Variants in RIMS1 observed in about 807,000 individuals in gnomAD.
The protein encoded by RIMS1 is regulating synaptic membrane exocytosis protein 1.
RIMS1 carries 83 observed loss-of-function variants against 214.1 expected under a neutral mutation model. The observed-to-expected ratio is 0.39, with a 90% CI of 0.32 to 0.47. The LOEUF (loss-of-function observed/expected upper bound fraction) is 0.47. Ranked by LOEUF, RIMS1 falls within the 20% of genes least tolerant of loss-of-function variation. The probability of loss-of-function intolerance (pLI) is 0.99; values close to 1 mark genes in which losing one functional copy is unlikely to be tolerated. For missense variants in RIMS1, 2,050 were observed against 2,161.8 expected (o/e 0.95, Z 1.03); for synonymous variants, 793 against 786.8 (o/e 1.01, Z -0.13).
At chr6:72,107,513 A>G (rs758509781) in intron 4 of RIMS1, among the ~76,000 whole-genome samples, 5 of 152,188 alleles carry the variant, frequency 3.3e-5, no homozygotes, top group Non-Finnish European at 5.9e-5. Context: ...GTGAGCCAAG[A>G]TCGCATCACT....
chr6:72,258,395 C>T, intron 17 of RIMS1, 114 bp downstream of exon 17: 1 of 1,188,416 alleles, frequency 8.4e-7, no homozygotes. Context: ...TTATTTTTTT[C>T]AGAATTAATT....
intron 4 of RIMS1, among the ~76,000 whole-genome samples, chr6:72,166,553 G>T (rs935159205): frequency 2.6e-5 from 4 of 151,808 alleles, no homozygotes; most frequent in Admixed American, 1.3e-4. Context: ...GGTTTTTTGG[G>T]TATTTACAAA....
At chr6:72,216,437 G>A (rs79782672) in intron 6 of RIMS1, 15,677 of 985,262 alleles carry the variant, frequency 0.016, 123 homozygotes, top group African/African-American at 0.022. Flanking sequence ...TAGGCTGGCC[G>A]TACCAGAAAA....
At chr6:72,198,562 A>C (rs751476566) in intron 6 of RIMS1, among the ~76,000 whole-genome samples, 50 of 152,178 alleles carry the variant, frequency 3.3e-4, no homozygotes, top group Non-Finnish European at 6.8e-4. Flanking sequence ...TTACAGTTAG[A>C]TAGAAGGAAT....
chr6:71,962,844 T>C (rs1325011138), intron 1 of RIMS1, among the ~76,000 whole-genome samples: 1 of 152,158 alleles, frequency 6.6e-6, no homozygotes, highest in Non-Finnish European at 1.5e-5. Context: ...TATTTTTTTG[T>C]ATTATAGAAA....
intron 29 of RIMS1, among the ~76,000 whole-genome samples, chr6:72,369,016 G>A (rs919850909): frequency 2.8e-4 from 42 of 151,096 alleles, no homozygotes; most frequent in African/African-American, 9.5e-4. Flanking sequence ...CAGCTTGGTT[G>A]GAGCAGAGGG....
At chr6:72,164,544 G>A (rs938093564) in intron 4 of RIMS1, among the ~76,000 whole-genome samples, 3 of 152,048 alleles carry the variant, frequency 2.0e-5, no homozygotes, top group Admixed American at 6.6e-5. Flanking sequence ...ACAAAAGTTT[G>A]TATTTTTCTG....
intron 6 of RIMS1, among the ~76,000 whole-genome samples, chr6:72,229,709 C>T (rs1331043716): frequency 6.6e-6 from 1 of 151,790 alleles, no homozygotes; most frequent in African/African-American, 2.4e-5. Context: ...AATATATTTT[C>T]AGTATATTAA....
chr6:72,062,380 C>T (rs1186693555), intron 2 of RIMS1, among the ~76,000 whole-genome samples: 1 of 151,976 alleles, frequency 6.6e-6, no homozygotes, highest in Non-Finnish European at 1.5e-5. Flanking sequence ...TCCTTCTTTC[C>T]ATCCCTGTCT....
intron 2 of RIMS1, among the ~76,000 whole-genome samples, chr6:71,986,746 A>G (rs1800079419): frequency 6.6e-6 from 1 of 152,248 alleles, no homozygotes; most frequent in Non-Finnish European, 1.5e-5. Flanking sequence ...ATGATATGAA[A>G]AATATTTTTC....
chr6:72,151,069 G>A (rs1290085548), intron 4 of RIMS1, among the ~76,000 whole-genome samples: 2 of 151,784 alleles, frequency 1.3e-5, no homozygotes, highest in Non-Finnish European at 2.9e-5. Flanking sequence ...TTGAGACGGA[G>A]TCTCGCTCTG....
At position 72,107,709 on chromosome 6, in the gene RIMS1, A is replaced by G. The variant is rs574073153; in HGVS notation, c.471+7723A>G. ...TAGGGGCCAGTTAAGGGGTTATGAG[A>G]AGACATTTACACAAAATATACCAAA... On this transcript the variant is annotated intron_variant, in intron 4 of 33. Coordinates refer to ENST00000521978, the MANE Select transcript of RIMS1 (RefSeq NM_014989.7). Among the ~76,000 whole-genome samples, 6 of 152,336 alleles carry G rather than the reference A, an allele frequency of 3.9e-5. No homozygotes were observed. In the East Asian group the frequency reaches 1.2e-3, roughly 29 times the overall value.
rs1165606466 is a variant in RIMS1, at chr6:72,236,228, T to C, written c.1857+500T>C. Among the ~76,000 whole-genome samples, 7 of 152,274 alleles carry C rather than the reference T, an allele frequency of 4.6e-5. No individual in the cohort carries two copies. In the East Asian group the frequency reaches 1.3e-3, roughly 29 times the overall value. On this transcript the variant is annotated intron_variant, in intron 8 of 33. Transcript: ENST00000521978. ...AATTATATATATTTGAGCCCCTGCA[T>C]TGGAAGAACTTAAACATAGATTTTA...
chr6:72,261,855 T>C (rs1591063114), intron 19 of RIMS1: 1 of 985,220 alleles, frequency 1.0e-6, no homozygotes, highest in African/African-American at 1.7e-5. Flanking sequence ...ATCGAGGAAA[T>C]ATTAGTTCTG....
chr6:71,968,439 A>T (rs1385424951), intron 1 of RIMS1, among the ~76,000 whole-genome samples: 4 of 152,016 alleles, frequency 2.6e-5, no homozygotes, highest in Non-Finnish European at 5.9e-5. Flanking sequence ...TTTATATATG[A>T]ACATTTCTTT....
chr6:72,118,352 TA>T (rs2037510344), intron 4 of RIMS1, among the ~76,000 whole-genome samples: 1 of 150,872 alleles, frequency 6.6e-6, no homozygotes, highest in Non-Finnish European at 1.5e-5. Flanking sequence ...TGCCAGTAAG[TA>T]AAAGTCCAGG....
intron 4 of RIMS1, among the ~76,000 whole-genome samples, chr6:72,116,057 G>T (rs1019248386): frequency 6.6e-6 from 1 of 151,898 alleles, no homozygotes; most frequent in East Asian, 1.9e-4. Flanking sequence ...TGTATTTCTT[G>T]TGACATTGCT....
At chr6:71,895,605 C>T (rs765125326) in intron 1 of RIMS1, among the ~76,000 whole-genome samples, 3 of 128,330 alleles carry the variant, frequency 2.3e-5, no homozygotes, top group African/African-American at 9.0e-5. Context: ...ACCCGGGAGG[C>T]GGAGGTTGCA....
intron 2 of RIMS1, among the ~76,000 whole-genome samples, chr6:72,035,447 T>C (rs892439768): frequency 2.0e-5 from 3 of 152,142 alleles, no homozygotes; most frequent in Non-Finnish European, 4.4e-5. Flanking sequence ...TTAATGTTTT[T>C]AAAGGGCATT....
Sources: gnomAD v4.1 joint callset for allele counts (sites outside exome capture counted in the v4.1 genomes callset) on GRCh38, gnomAD v4.1.1 for gene constraint, MANE v1.5 for transcripts, NCBI Gene and HGNC (gene_info 2026-07-23, HGNC 2026-07-21) for gene names.